UHRF2: variants seen among roughly 807,000 people sequenced by gnomAD.
UHRF2 encodes E3 ubiquitin-protein ligase UHRF2.
UHRF2 carries 23 observed loss-of-function variants against 96.8 expected under a neutral mutation model. The observed-to-expected ratio is 0.24, with a 90% confidence interval of 0.17 to 0.34. UHRF2 has a LOEUF of 0.34. Ranked by LOEUF, UHRF2 falls within the 10% of genes least tolerant of loss-of-function variation. The probability of loss-of-function intolerance (pLI) is 1.00; values close to 1 mark genes in which losing one functional copy is unlikely to be tolerated. For synonymous variants in UHRF2, 385 were observed against 332.6 expected (o/e 1.16, Z -1.72); for missense variants, 685 against 981.5 (o/e 0.70, Z 4.04).
At chr9:6,443,855 A>T (rs530870289) in intron 3 of UHRF2, among the ~76,000 whole-genome samples, 1 of 152,198 alleles carries the variant, frequency 6.6e-6, no homozygotes, top group Non-Finnish European at 1.5e-5. Context: ...ACGTCTTAAA[A>T]TATGTTGTCT....
rs894748959 is a variant in UHRF2 at position 6,425,996 on chromosome 9, T to A, written c.384+4854T>A. ...GAAGCTGCTGCTTTTGAATTGATTG[T>A]TTGGGCATTGACAGGATGGATTTGC... On this transcript the variant is annotated intron_variant, in intron 2 of 15. Transcript: ENST00000276893. Among the ~76,000 whole-genome samples, 10 of 152,318 alleles carry A rather than the reference T, an allele frequency of 6.6e-5. No individual in the cohort carries two copies. The East Asian group carries it at 1.3e-3, about 21-fold the overall frequency.
At chr9:6,496,918 G>C (rs1012320767) in intron 10 of UHRF2, 4 of 270,750 alleles carry the variant, frequency 1.5e-5, no homozygotes, top group African/African-American at 8.8e-5. Flanking sequence ...TGTATTTCTA[G>C]TTGTTTTCTA....
At chr9:6,429,417 T>C (rs1489193818) in intron 2 of UHRF2, among the ~76,000 whole-genome samples, 1 of 152,198 alleles carries the variant, frequency 6.6e-6, no homozygotes, top group African/African-American at 2.4e-5. Context: ...TGTGGTTTTT[T>C]TGTTTCTGTT....
rs1216486257 is a variant in UHRF2 at position 6,460,741 on chromosome 9, G to A, written c.813G>A (p.Leu271=). ...GFWFDAEITT[L]KTISRTKKEL... ...GGTTTGATGCAGAAATTACCACATT[G>A]AAGACAATCTCAAGGACCAAAAAAG... The change falls in exon 4 of 16, where the codon TTG becomes TTA. Residue 271 remains leucine (L), a synonymous_variant. Transcript: ENST00000276893. 2 of 1,613,724 alleles carry A rather than the reference G, an allele frequency of 1.2e-6. No homozygotes were observed. The highest frequency in any genetic ancestry group is 2.7e-5 in the African/African-American group (2 of 74,916).
chr9:6,467,261 A>T (rs915384056), intron 4 of UHRF2, among the ~76,000 whole-genome samples: 1 of 152,148 alleles, frequency 6.6e-6, no homozygotes, highest in Non-Finnish European at 1.5e-5. Context: ...AAAGCCAACG[A>T]TGTTGCTTCT....
chr9:6,472,130 C>G (rs1286039475), intron 4 of UHRF2, among the ~76,000 whole-genome samples: 1 of 152,190 alleles, frequency 6.6e-6, no homozygotes, highest in Non-Finnish European at 1.5e-5. Context: ...GGTCCCATTA[C>G]AGTTACCGCT....
intron 3 of UHRF2, among the ~76,000 whole-genome samples, chr9:6,436,791 T>C (rs555484564): frequency 1.4e-4 from 21 of 152,284 alleles, no homozygotes; most frequent in African/African-American, 4.8e-4. Flanking sequence ...TTAGAATGAA[T>C]GTTAAGTAAA....
chr9:6,487,305 C>G (rs1824360353), intron 9 of UHRF2, among the ~76,000 whole-genome samples: 2 of 149,570 alleles, frequency 1.3e-5, no homozygotes, highest in African/African-American at 4.9e-5. Flanking sequence ...TTTCCTGCCT[C>G]AGCCTCCCAA....
At chr9:6,503,024 G>A (rs2130976116) in intron 14 of UHRF2, among the ~76,000 whole-genome samples, 1 of 152,218 alleles carries the variant, frequency 6.6e-6, no homozygotes, top group Non-Finnish European at 1.5e-5. Context: ...AGACGGAGTT[G>A]TGGTCTGTCT....
chr9:6,497,985 A>G (rs1825069232), intron 11 of UHRF2, 33 bp from the exon 12 acceptor site: 1 of 1,606,864 alleles, frequency 6.2e-7, no homozygotes, highest in Non-Finnish European at 8.5e-7. Flanking sequence ...TAAATTTTAA[A>G]TCTCAAACTG....
chr9:6,439,075 T>C (rs503315), intron 3 of UHRF2, among the ~76,000 whole-genome samples: 146,096 of 152,308 alleles, frequency 0.96, 70,094 homozygotes, highest in East Asian at 1. Context: ...ACACTAAGTT[T>C]ATGAAAAACA....
chr9:6,440,127 G>A (rs1241321440), intron 3 of UHRF2, among the ~76,000 whole-genome samples: 1 of 152,154 alleles, frequency 6.6e-6, no homozygotes, highest in Non-Finnish European at 1.5e-5. Context: ...AAAACTGACA[G>A]CAGTCTTGCA....
chr9:6,449,304 A>C (rs773110725), intron 3 of UHRF2: 1 of 152,160 alleles, frequency 6.6e-6, no homozygotes, highest in Non-Finnish European at 1.5e-5. Context: ...GGATTTGGCA[A>C]TTTCTGCCCA....
intron 4 of UHRF2, among the ~76,000 whole-genome samples, chr9:6,469,736 G>GTA (rs35317708): frequency 5.3e-5 from 6 of 113,724 alleles, no homozygotes; most frequent in East Asian, 2.6e-4. Flanking sequence ...ATATATACGT[G>GTA]TATATATATA....
chr9:6,417,072 A>G lies in UHRF2; in HGVS notation c.153+3429A>G, dbSNP rs146509986. On this transcript the variant is annotated intron_variant, in intron 1 of 15. Transcript: ENST00000276893. ...TATAACATATATAATACACACATAT[A>G]TAATATGTGATGGATACGTGAAAGT... 2.8e-3 allele frequency among the ~76,000 whole-genome samples: 429 copies of G among 152,286 alleles called. 2 individuals carry two copies. The highest frequency in any genetic ancestry group is 2.6e-3 in the Non-Finnish European group (178 of 68,028).
At chr9:6,480,069 T>A (rs1407623214) in intron 6 of UHRF2, among the ~76,000 whole-genome samples, 1 of 152,222 alleles carries the variant, frequency 6.6e-6, no homozygotes, top group Non-Finnish European at 1.5e-5. Flanking sequence ...ACCTGGTCCA[T>A]ATCTACTCTC....
chr9:6,505,348 T>C (rs904353221), intron 15 of UHRF2, among the ~76,000 whole-genome samples: 1 of 151,952 alleles, frequency 6.6e-6, no homozygotes, highest in African/African-American at 2.4e-5. Context: ...CAGGGTAGAG[T>C]GTAGTGGTGC....
At chr9:6,466,489 G>A (rs1462817540) in intron 4 of UHRF2, among the ~76,000 whole-genome samples, 2 of 139,606 alleles carry the variant, frequency 1.4e-5, no homozygotes, top group Admixed American at 1.5e-4. Flanking sequence ...GTAGTGAGCA[G>A]AGATCACGCC....
chr9:6,469,853 T>C (rs1823133626), intron 4 of UHRF2, among the ~76,000 whole-genome samples: 1 of 151,700 alleles, frequency 6.6e-6, no homozygotes, highest in African/African-American at 2.4e-5. Context: ...AAAACAGTAT[T>C]TGAAAATATA....
Sources: allele counts gnomAD v4.1 joint callset (sites outside exome capture counted in the v4.1 genomes callset), GRCh38; gene constraint gnomAD v4.1.1; transcripts MANE v1.5; gene names NCBI Gene and HGNC (gene_info 2026-07-23, HGNC 2026-07-21).